Variants in SYTL3 observed in about 807,000 individuals in gnomAD.
The protein encoded by SYTL3 is synaptotagmin-like protein 3.
SYTL3 carries 88 observed loss-of-function variants against 82.1 expected under a neutral mutation model. The observed-to-expected ratio is 1.07, with a 90% confidence interval of 0.90 to 1.28. SYTL3 has a LOEUF of 1.28. SYTL3 is among the 50% of genes most tolerant of loss of function. SYTL3 has a pLI of 0.00. For missense variants in SYTL3, 831 were observed against 757.6 expected, an observed-to-expected ratio of 1.10 and a Z score of -1.14; for synonymous variants, 311 against 289.4, an observed-to-expected ratio of 1.07 and a Z score of -0.76.
At chr6:158,679,143 G>A (rs138802967) in intron 5 of SYTL3, among the ~76,000 whole-genome samples, 1 of 152,140 alleles carries the variant, frequency 6.6e-6, no homozygotes, top group Non-Finnish European at 1.5e-5. Flanking sequence ...GCCAAGGCAG[G>A]CAGATCACTT....
chr6:158,682,461 G>A lies in SYTL3; in HGVS notation c.330-464G>A, dbSNP rs575925507. Among the ~76,000 whole-genome samples, 82 of 139,714 alleles carry A rather than the reference G, an allele frequency of 5.9e-4. 1 individual carries two copies. Among genetic ancestry groups the A allele is most frequent in the Non-Finnish European group, 6.7e-4 (44 of 65,964 alleles). 91.7% of individuals were successfully genotyped at this position (139,714 alleles called of 152,430 possible). ...TGCAAGCTCCACCTCCCGGGTTCACGCCATTCTCCTGCCTCAGCCTCCCGA... is the reference window on the plus strand; with the variant it reads ...TGCAAGCTCCACCTCCCGGGTTCACACCATTCTCCTGCCTCAGCCTCCCGA... On this transcript the variant is annotated intron_variant, in intron 5 of 17. Coordinates refer to ENST00000611299, the MANE Select transcript of SYTL3 (RefSeq NM_001242394.2).
chr6:158,708,318 G>T lies in SYTL3; in HGVS notation c.447-4G>T. On this transcript the variant is annotated splice_region_variant and splice_polypyrimidine_tract_variant and intron_variant, in intron 7 of 17. Transcript: ENST00000611299. ...ATTTCTTATGCCTGTGTTTTCCTTG[G>T]CAGCAAAATTTCTGTGGTTCCTCCT... is the stretch of plus-strand genomic sequence containing the variant. 1 of 1,613,848 alleles carries T rather than the reference G, an allele frequency of 6.2e-7. No individual in the cohort carries two copies. Among genetic ancestry groups the T allele is most frequent in the Non-Finnish European group, 8.5e-7 (1 of 1,179,746 alleles).
At chr6:158,729,112 T>G (rs780005441) in intron 11 of SYTL3, among the ~76,000 whole-genome samples, 12 of 152,214 alleles carry the variant, frequency 7.9e-5, no homozygotes, top group Non-Finnish European at 1.5e-4. Flanking sequence ...TTGTGACGCA[T>G]GGTATAATAG....
intron 6 of SYTL3, among the ~76,000 whole-genome samples, chr6:158,701,695 T>A (rs1781325626): frequency 6.6e-6 from 1 of 151,802 alleles, no homozygotes; most frequent in African/African-American, 2.4e-5. Flanking sequence ...ACCCGCGGCC[T>A]CTGGATTTGC....
intron 6 of SYTL3, among the ~76,000 whole-genome samples, chr6:158,695,838 T>G (rs1780502317): frequency 6.6e-6 from 1 of 152,244 alleles, no homozygotes; most frequent in East Asian, 1.9e-4. Context: ...TCATTCATGT[T>G]GTAGAGCATG....
At chr6:158,741,396 G>A (rs1225576774) in intron 11 of SYTL3, among the ~76,000 whole-genome samples, 1 of 152,196 alleles carries the variant, frequency 6.6e-6, no homozygotes, top group African/African-American at 2.4e-5. Context: ...TGTTGGTTGT[G>A]TGACATGCAG....
At chr6:158,736,275 C>G (rs547348784) in intron 11 of SYTL3, among the ~76,000 whole-genome samples, 1 of 151,582 alleles carries the variant, frequency 6.6e-6, no homozygotes, top group African/African-American at 2.4e-5. Flanking sequence ...GGCATGAACC[C>G]GGGAGGCAGA....
At chr6:158,726,719 A>C in intron 11 of SYTL3, 4 of 254,318 alleles carry the variant, frequency 1.6e-5, no homozygotes, top group Non-Finnish European at 7.9e-6. Context: ...CCCAGCATCT[A>C]ATTTCCCATA....
At chr6:158,749,507 C>T (rs9457462) in intron 12 of SYTL3, among the ~76,000 whole-genome samples, 2,081 of 66,022 alleles carry the variant, frequency 0.032, 71 homozygotes, top group African/African-American at 0.078. Flanking sequence ...TTCTTTCTCT[C>T]TTTTTTTTTT....
intron 10 of SYTL3, among the ~76,000 whole-genome samples, chr6:158,723,819 G>GCTCCTCCGCTGTAGCTTTT (rs1784402651): frequency 6.6e-6 from 1 of 152,034 alleles, no homozygotes; most frequent in Non-Finnish European, 1.5e-5. Context: ...CCAGCCTCTG[G>GCTCCTCCGCTGTAGCTTTT]CTCCTCCGCT....
chr6:158,750,837 C>T (rs777828787), intron 12 of SYTL3, among the ~76,000 whole-genome samples: 4 of 152,128 alleles, frequency 2.6e-5, no homozygotes, highest in Non-Finnish European at 4.4e-5. Context: ...GCTTTATTGC[C>T]CAGGCTGGAG....
chr6:158,745,016 T>TC (rs371780109), intron 11 of SYTL3, among the ~76,000 whole-genome samples: 14 of 152,264 alleles, frequency 9.2e-5, no homozygotes, highest in Middle Eastern at 3.4e-3. Context: ...TATGGTTTTT[T>TC]CCAGTTAGAC....
At chr6:158,722,299 C>G (rs1424586509) in intron 10 of SYTL3, among the ~76,000 whole-genome samples, 4 of 151,898 alleles carry the variant, frequency 2.6e-5, no homozygotes, top group Non-Finnish European at 5.9e-5. Context: ...GTAGCTGGGA[C>G]TACAGGAGTA....
chr6:158,761,301 CT>C lies in SYTL3; in HGVS notation c.1414+575del, dbSNP rs11463987. On this transcript the variant is annotated intron_variant, in intron 15 of 17. Transcript: ENST00000611299. Reference sequence around the variant, plus strand: ...AGGAGGACTGGGAGAATGCACATTTCTTTTTTTTTTTTTTTTTTTGAGACAG... The same window carrying C: ...AGGAGGACTGGGAGAATGCACATTTCTTTTTTTTTTTTTTTTTTGAGACAG... 4.7e-3 allele frequency among the ~76,000 whole-genome samples: 442 copies of C among 93,872 alleles called. 2 individuals carry two copies. Among genetic ancestry groups the C allele is most frequent in the African/African-American group, 0.015 (340 of 23,312 alleles). The allele number at this position is 93,872 out of a possible 152,430, so 61.6% of individuals were successfully genotyped here.
intron 6 of SYTL3, among the ~76,000 whole-genome samples, chr6:158,697,250 A>G (rs545648020): frequency 7.4e-4 from 109 of 147,618 alleles, no homozygotes; most frequent in African/African-American, 2.5e-3. Context: ...ACCAGCCTAG[A>G]CAACATGGTG....
chr6:158,746,682 T>C (rs9457461), intron 12 of SYTL3, among the ~76,000 whole-genome samples: 74,232 of 151,296 alleles, frequency 0.49, 18,960 homozygotes, highest in African/African-American at 0.57. Flanking sequence ...GCCAGGCTGG[T>C]CTCGAATTCC....
intron 6 of SYTL3, among the ~76,000 whole-genome samples, chr6:158,689,923 G>T (rs1293583043): frequency 6.6e-6 from 1 of 152,172 alleles, no homozygotes; most frequent in Non-Finnish European, 1.5e-5. Context: ...CAAAGTGCTG[G>T]GATTATAGGC....
At chr6:158,676,306 A>G (rs1583197934) in intron 5 of SYTL3, among the ~76,000 whole-genome samples, 1 of 152,200 alleles carries the variant, frequency 6.6e-6, no homozygotes, top group South Asian at 2.1e-4. Context: ...CAATGGGGAA[A>G]GGATTCCCTA....
chr6:158,763,406 AAC>A lies in SYTL3; in HGVS notation c.1621_1622del (p.Thr541ProfsTer72). The A allele has an allele frequency of 6.2e-7, 1 of 1,614,224 alleles. No homozygotes were observed. Among genetic ancestry groups the A allele is most frequent in the Non-Finnish European group, 8.5e-7 (1 of 1,180,036 alleles). ...WKHSFVFSGV[T>X]PAQLRQSSLE... ...AACACTCATTTGTCTTCAGTGGCGT[AAC>A]CCCAGCTCAGCTGAGGCAGTCAAGC... On this transcript the variant is annotated frameshift_variant, in exon 17 of 18. Coordinates refer to ENST00000611299, the MANE Select transcript of SYTL3 (RefSeq NM_001242394.2). LOFTEE classifies it high-confidence loss of function.
Sources: gnomAD v4.1 joint callset for allele counts (sites outside exome capture counted in the v4.1 genomes callset) on GRCh38, gnomAD v4.1.1 for gene constraint, MANE v1.5 for transcripts, NCBI Gene and HGNC (gene_info 2026-07-23, HGNC 2026-07-21) for gene names.